Variants in TERB1 observed in about 807,000 individuals in gnomAD.
TERB1 encodes telomere repeat binding bouquet formation protein 1.
A neutral mutation model predicts 92.3 loss-of-function variants in TERB1; 63 were observed. The ratio of observed to expected loss-of-function variants is 0.68; its 90% confidence interval spans 0.56 to 0.84. The LOEUF (loss-of-function observed/expected upper bound fraction) is 0.84. Ranked by LOEUF, TERB1 falls within the 40% of genes least tolerant of loss-of-function variation. TERB1 has a pLI of 0.00. For synonymous variants in TERB1, 252 were observed against 283.9 expected (o/e 0.89, Z 1.13); for missense variants, 709 against 843.7 (o/e 0.84, Z 1.98).
At chr16:66,757,635 T>G (rs1597005443) in intron 18 of TERB1, among the ~76,000 whole-genome samples, 1 of 152,214 alleles carries the variant, frequency 6.6e-6, no homozygotes, top group East Asian at 1.9e-4. Context: ...AATTTGAAAT[T>G]TCCTTGAAAG....
In TERB1 at chr16:66,777,280, A is replaced by G; in HGVS notation, c.908T>C (p.Leu303Ser). Residue 303 changes from leucine (L) to serine (S), a missense_variant, in exon 11 of 19, where the codon TTA becomes TCA. Transcript: ENST00000433154. ...KYHIVSKLLA[L>S]LLHESLDSGE... Reference sequence around the variant, plus strand: ...TGAATCCAGACTTTCATGAAGCAGTAATGCCAGAAGTTTAGAAACAATGTG... The same window carrying G: ...TGAATCCAGACTTTCATGAAGCAGTGATGCCAGAAGTTTAGAAACAATGTG... 2 of 1,550,224 alleles carry G rather than the reference A, an allele frequency of 1.3e-6. No homozygotes were observed. Among genetic ancestry groups the G allele is most frequent in the Non-Finnish European group, 1.7e-6 (2 of 1,145,728 alleles).
intron 4 of TERB1, 74 bp from the exon 5 acceptor site, chr16:66,790,797 C>T (rs978928612): frequency 2.0e-5 from 29 of 1,485,538 alleles, no homozygotes; most frequent in East Asian, 4.9e-5. Context: ...CACATGAAGA[C>T]GTAACATGAT....
intron 9 of TERB1, among the ~76,000 whole-genome samples, chr16:66,781,075 T>G (rs2018627343): frequency 6.6e-6 from 1 of 152,178 alleles, no homozygotes; most frequent in African/African-American, 2.4e-5. Context: ...AGACAAAGTC[T>G]TGTTCTGGCT....
Position 66,786,044 on chromosome 16 carries a change from G to C in TERB1, c.547C>G (p.Leu183Val). 1 of 1,551,114 alleles carries C rather than the reference G, an allele frequency of 6.4e-7. No individual in the cohort carries two copies. Among genetic ancestry groups the C allele is most frequent in the Non-Finnish European group, 8.7e-7 (1 of 1,146,530 alleles). The change falls in exon 8 of 19, where the codon CTG becomes GTG. Residue 183 changes from leucine to valine, a missense_variant. Physicochemically the swap from Leu to Val is conservative, Grantham distance 32. Transcript: ENST00000433154. Reference protein sequence around the residue: ...YQLWSSVCSTLCVCVNNPQND... With the variant: ...YQLWSSVCSTVCVCVNNPQND... ...TGAGGATTGTTGACACAGACACACA[G>C]AGTACTACACACTGAAGACCACAAC...
intron 15 of TERB1, 94 bp downstream of exon 15, chr16:66,768,010 G>A (rs2018379016): frequency 9.8e-7 from 1 of 1,018,008 alleles, no homozygotes; most frequent in Non-Finnish European, 1.5e-6. Context: ...TTACAGGCGT[G>A]AGCCACCGCA....
At chr16:66,758,666 G>A in intron 18 of TERB1, 107 bp downstream of exon 18, 3 of 645,064 alleles carry the variant, frequency 4.7e-6, no homozygotes, top group Non-Finnish European at 8.1e-6. Context: ...ACTTGAACCT[G>A]GGAGGCGGAG....
chr16:66,758,096 T>TCCC (rs2018167528), intron 18 of TERB1, among the ~76,000 whole-genome samples: 3 of 152,256 alleles, frequency 2.0e-5, no homozygotes. Context: ...AGAATGGCTT[T>TCCC]TTGAATCTAA....
At chr16:66,791,050 C>CTTTTGGTTT in intron 3 of TERB1, 31 bp from the exon 4 acceptor site, 2 of 1,270,586 alleles carry the variant, frequency 1.6e-6, no homozygotes, top group Non-Finnish European at 2.2e-6. Flanking sequence ...TATTTTAAAC[C>CTTTTGGTTT]AAAAGGTTTA....
intron 14 of TERB1, among the ~76,000 whole-genome samples, 191 bp from the exon 15 acceptor site, chr16:66,768,359 C>T (rs1048428632): frequency 1.3e-5 from 2 of 151,812 alleles, no homozygotes; most frequent in African/African-American, 2.4e-5. Flanking sequence ...TTCTAGAGCT[C>T]GAGTCAAACA....
At chr16:66,769,108 AAAAAAAG>A (rs1336432207) in intron 14 of TERB1, among the ~76,000 whole-genome samples, 5 of 152,148 alleles carry the variant, frequency 3.3e-5, no homozygotes, top group Non-Finnish European at 4.4e-5. Context: ...TTTCTCAAAA[AAAAAAAG>A]AAAAAGAAAA....
chr16:66,755,269 T>G (rs1399506647), intron 18 of TERB1, 106 bp from the exon 19 acceptor site: 1 of 706,554 alleles, frequency 1.4e-6, no homozygotes, highest in African/African-American at 1.8e-5. Flanking sequence ...GGATATAAAC[T>G]ACAGAGTGAG....
intron 13 of TERB1, among the ~76,000 whole-genome samples, chr16:66,770,936 G>A (rs1483409195): frequency 6.6e-6 from 1 of 151,914 alleles, no homozygotes; most frequent in African/African-American, 2.4e-5. Flanking sequence ...CTGCAGCCTC[G>A]ACTTCCTGGG....
chr16:66,800,410 T>TTTTTG (rs1959241734), intron 2 of TERB1, among the ~76,000 whole-genome samples: 1 of 147,858 alleles, frequency 6.8e-6, no homozygotes, highest in African/African-American at 2.5e-5. Context: ...TTTTTTTTTT[T>TTTTTG]GAGACAGTCT....
intron 11 of TERB1, among the ~76,000 whole-genome samples, chr16:66,776,433 T>A (rs112988324): frequency 2.0e-5 from 3 of 151,944 alleles, no homozygotes; most frequent in East Asian, 3.9e-4. Context: ...TCATAACTCA[T>A]AAGAGTCAAC....
chr16:66,797,472 A>G (rs1959203232), intron 2 of TERB1, among the ~76,000 whole-genome samples: 1 of 151,872 alleles, frequency 6.6e-6, no homozygotes, highest in Admixed American at 6.6e-5. Flanking sequence ...CCCGGTCTCA[A>G]GCAATCCACA....
intron 16 of TERB1, among the ~76,000 whole-genome samples, chr16:66,763,933 A>C (rs2018294776): frequency 6.6e-6 from 1 of 152,198 alleles, no homozygotes; most frequent in Non-Finnish European, 1.5e-5. Context: ...GTGCAAAACC[A>C]CTGAAGTGTG....
At chr16:66,771,304 G>C (rs188287682) in intron 13 of TERB1, among the ~76,000 whole-genome samples, 2 of 152,202 alleles carry the variant, frequency 1.3e-5, no homozygotes, top group African/African-American at 4.8e-5. Flanking sequence ...AAAACGCTGT[G>C]GGGAAACATG....
intron 9 of TERB1, among the ~76,000 whole-genome samples, chr16:66,779,705 T>G (rs2018605428): frequency 6.6e-6 from 1 of 152,214 alleles, no homozygotes; most frequent in African/African-American, 2.4e-5. Context: ...TTCATTCATT[T>G]ATCTTGGTAA....
chr16:66,761,109 C>CAAAAAAAAAAAAAAAA (rs34199990), intron 16 of TERB1, among the ~76,000 whole-genome samples: 1 of 71,112 alleles, frequency 1.4e-5, no homozygotes. Context: ...GACTCCACCT[C>CAAAAAAAAAAAAAAAA]AAAAAAAAAA....
Sources: gnomAD v4.1 joint callset for allele counts (sites outside exome capture counted in the v4.1 genomes callset) on GRCh38, gnomAD v4.1.1 for gene constraint, MANE v1.5 for transcripts, NCBI Gene and HGNC (gene_info 2026-07-23, HGNC 2026-07-21) for gene names.